The following RSPO2 variants were observed in gnomAD, a reference collection of about 807,000 sequenced individuals.
RSPO2 encodes R-spondin-2.
RSPO2 carries 14 observed loss-of-function variants against 30.9 expected under a neutral mutation model. The ratio of observed to expected loss-of-function variants is 0.45; its 90% CI spans 0.30 to 0.71. RSPO2 has a LOEUF of 0.71. Ranked by LOEUF, RSPO2 falls within the 30% of genes least tolerant of loss-of-function variation. The pLI is 0.08. For missense variants in RSPO2, 264 were observed against 301.9 expected, an observed-to-expected ratio of 0.87 and a Z score of 0.93; for synonymous variants, 107 against 96.4, an observed-to-expected ratio of 1.11 and a Z score of -0.64.
chr8:107,937,630 C>G (rs1812762249), intron 5 of RSPO2, among the ~76,000 whole-genome samples: 1 of 135,420 alleles, frequency 7.4e-6, no homozygotes, highest in Non-Finnish European at 1.6e-5. Flanking sequence ...AAAAAAAGAG[C>G]AACAGAAGAA....
At chr8:107,962,225 T>C (rs1194784778) in intron 3 of RSPO2, among the ~76,000 whole-genome samples, 1 of 151,600 alleles carries the variant, frequency 6.6e-6, no homozygotes, top group Non-Finnish European at 1.5e-5. Context: ...AAAAAAAAAA[T>C]GTAGCCAAAA....
At chr8:107,934,041 C>T (rs2130353520) in intron 5 of RSPO2, among the ~76,000 whole-genome samples, 1 of 152,244 alleles carries the variant, frequency 6.6e-6, no homozygotes, top group Non-Finnish European at 1.5e-5. Flanking sequence ...AAGGAGGAAT[C>T]CTCCTCATTA....
intron 2 of RSPO2, among the ~76,000 whole-genome samples, chr8:108,037,256 A>T (rs1369747215): frequency 2.6e-5 from 4 of 152,242 alleles, no homozygotes; most frequent in Non-Finnish European, 4.4e-5. Flanking sequence ...GATAGGTGAA[A>T]CAGCCATATT....
At chr8:108,042,990 T>C (rs1329656122) in intron 2 of RSPO2, among the ~76,000 whole-genome samples, 2 of 151,958 alleles carry the variant, frequency 1.3e-5, no homozygotes, top group Non-Finnish European at 2.9e-5. Context: ...TAAACACTTA[T>C]AAAGGACACG....
At chr8:107,932,663 C>G (rs1206238271) in intron 5 of RSPO2, among the ~76,000 whole-genome samples, 3 of 152,062 alleles carry the variant, frequency 2.0e-5, no homozygotes, top group Non-Finnish European at 4.4e-5. Flanking sequence ...CAAGAAAATA[C>G]AAGTCGGTAC....
intron 2 of RSPO2, among the ~76,000 whole-genome samples, chr8:108,079,148 G>A (rs1288282513): frequency 1.3e-5 from 2 of 152,168 alleles, no homozygotes; most frequent in South Asian, 2.1e-4. Flanking sequence ...ATTTTGAAGG[G>A]GGAGTCAGGG....
At chr8:107,987,218 C>T (rs1814675482) in intron 3 of RSPO2, among the ~76,000 whole-genome samples, 1 of 151,494 alleles carries the variant, frequency 6.6e-6, no homozygotes, top group African/African-American at 2.4e-5. Flanking sequence ...CAATTTATTA[C>T]CCACAAAAAA....
chr8:108,008,650 T>C (rs1815542176), intron 2 of RSPO2, among the ~76,000 whole-genome samples: 1 of 152,154 alleles, frequency 6.6e-6, no homozygotes, highest in African/African-American at 2.4e-5. Flanking sequence ...ATTAAGCTAT[T>C]ATAAACACAT....
intron 2 of RSPO2, among the ~76,000 whole-genome samples, chr8:107,992,202 C>CACACACAT (rs761066938): frequency 1.2e-3 from 176 of 151,876 alleles, no homozygotes; most frequent in African/African-American, 4.0e-3. Context: ...CACACACACA[C>CACACACAT]ACCATGGAAT....
In RSPO2 at chr8:108,036,294, G is replaced by A. The variant is rs543510433; in HGVS notation, c.94+46251C>T. 3.5e-4 allele frequency among the ~76,000 whole-genome samples: 54 copies of A among 152,134 alleles called. No homozygotes were observed. The South Asian group carries it at 6.2e-3, about 18-fold the overall frequency. ...TTAAGAATTATGCTAAATCTATTCC[G>A]CCTGTGTGCTATAAATGGAGCAGCA... On this transcript the variant is annotated intron_variant, in intron 2 of 5. Transcript: ENST00000276659.
chr8:107,951,844 C>T (rs1235631739), intron 5 of RSPO2, among the ~76,000 whole-genome samples: 1 of 152,066 alleles, frequency 6.6e-6, no homozygotes, highest in East Asian at 1.9e-4. Context: ...GAGTGTTTTG[C>T]ACCCCTTTAT....
intron 2 of RSPO2, among the ~76,000 whole-genome samples, chr8:108,039,138 C>T (rs1283093085): frequency 1.3e-5 from 2 of 152,164 alleles, no homozygotes; most frequent in Non-Finnish European, 2.9e-5. Flanking sequence ...TCCATTTATT[C>T]TCTCTTTCAC....
In RSPO2 at chr8:108,041,423, A is replaced by G. The variant is rs150454945; in HGVS notation, c.94+41122T>C. ...GAATGAGAGAAGATACACATGGAAG[A>G]GATCATATCCAAGAACAAGGTTTAG... On this transcript the variant is annotated intron_variant, in intron 2 of 5. Transcript: ENST00000276659. Among the ~76,000 whole-genome samples, 327 of 152,240 alleles carry G rather than the reference A, an allele frequency of 2.1e-3. 1 individual carries two copies. Among genetic ancestry groups the G allele is most frequent in the African/African-American group, 7.2e-3 (298 of 41,556 alleles).
At chr8:107,916,568 A>T (rs1166167998) in intron 5 of RSPO2, among the ~76,000 whole-genome samples, 1 of 152,216 alleles carries the variant, frequency 6.6e-6, no homozygotes, top group Non-Finnish European at 1.5e-5. Flanking sequence ...AGATTATAAG[A>T]AGGCATGGGA....
At chr8:108,073,761 A>T (rs1812926668) in intron 2 of RSPO2, among the ~76,000 whole-genome samples, 2 of 152,246 alleles carry the variant, frequency 1.3e-5, no homozygotes, top group Non-Finnish European at 2.9e-5. Flanking sequence ...GTAAGGAATT[A>T]CTTGCCAAGT....
intron 2 of RSPO2, among the ~76,000 whole-genome samples, chr8:108,071,935 C>G (rs1812858986): frequency 6.6e-6 from 1 of 152,144 alleles, no homozygotes; most frequent in Non-Finnish European, 1.5e-5. Context: ...TCCCAATACA[C>G]TAGACCAGCA....
At chr8:108,027,284 A>T (rs1811252942) in intron 2 of RSPO2, among the ~76,000 whole-genome samples, 2 of 152,240 alleles carry the variant, frequency 1.3e-5, no homozygotes, top group South Asian at 4.1e-4. Flanking sequence ...ACTCATTAAC[A>T]AGTAGTTATT....
chr8:108,079,311 G>A (rs1433646046), intron 2 of RSPO2, among the ~76,000 whole-genome samples: 1 of 152,014 alleles, frequency 6.6e-6, no homozygotes, highest in Non-Finnish European at 1.5e-5. Context: ...TTGCAACCAG[G>A]CCCCATTAGT....
At chr8:108,013,048 A>T (rs1316385643) in intron 2 of RSPO2, among the ~76,000 whole-genome samples, 5 of 152,088 alleles carry the variant, frequency 3.3e-5, no homozygotes, top group Non-Finnish European at 5.9e-5. Context: ...TTTGATGTCA[A>T]CCCCAAAGGT....
Sources: gnomAD v4.1 joint callset for allele counts (sites outside exome capture counted in the v4.1 genomes callset) on GRCh38, gnomAD v4.1.1 for gene constraint, MANE v1.5 for transcripts, NCBI Gene and HGNC (gene_info 2026-07-23, HGNC 2026-07-21) for gene names.